The following UBASH3B variants were observed in gnomAD, a reference collection of about 807,000 sequenced individuals.
The protein encoded by UBASH3B is ubiquitin associated and SH3 domain containing B, also known as ubiquitin-associated and SH3 domain-containing protein B.
UBASH3B carries 37 observed loss-of-function variants against 83.4 expected under a neutral mutation model. That is an observed-to-expected ratio of 0.44 (90% confidence interval 0.34 to 0.58). The LOEUF is 0.58. Among genes scored for constraint, UBASH3B ranks in the 20% least tolerant of loss-of-function variants. The pLI is 0.01. For synonymous variants in UBASH3B, 304 were observed against 318.3 expected (o/e 0.96, Z 0.48); for missense variants, 657 against 827.2 (o/e 0.79, Z 2.52).
chr11:122,723,437 T>C (rs1489838965), intron 1 of UBASH3B, among the ~76,000 whole-genome samples: 1 of 152,232 alleles, frequency 6.6e-6, no homozygotes, highest in Non-Finnish European at 1.5e-5. Context: ...TGGAGACGCA[T>C]TCTCCCATCT....
intron 3 of UBASH3B, among the ~76,000 whole-genome samples, chr11:122,777,875 A>C (rs754886296): frequency 2.0e-5 from 3 of 152,034 alleles, no homozygotes; most frequent in African/African-American, 7.2e-5. Flanking sequence ...GATTACAGGC[A>C]TATGCCACCA....
At chr11:122,703,426 C>CAA (rs35573028) in intron 1 of UBASH3B, among the ~76,000 whole-genome samples, 17 of 139,530 alleles carry the variant, frequency 1.2e-4, no homozygotes, top group Admixed American at 1.5e-4. Context: ...GCCTCCGTCT[C>CAA]AAAAAAAAAA....
intron 1 of UBASH3B, among the ~76,000 whole-genome samples, chr11:122,700,733 G>A (rs1864031583): frequency 6.6e-6 from 1 of 152,134 alleles, no homozygotes; most frequent in African/African-American, 2.4e-5. Context: ...CTGGCCTCAG[G>A]TGATCCACCC....
chr11:122,663,544 G>A (rs534036744), intron 1 of UBASH3B, among the ~76,000 whole-genome samples: 2 of 152,294 alleles, frequency 1.3e-5, no homozygotes, highest in Non-Finnish European at 2.9e-5. Flanking sequence ...CAGAGCTAAA[G>A]GCGTTGCTTT....
intron 5 of UBASH3B, among the ~76,000 whole-genome samples, chr11:122,786,819 A>G (rs375281292): frequency 1.3e-5 from 2 of 152,346 alleles, no homozygotes; most frequent in East Asian, 3.9e-4. Flanking sequence ...CATGGGTCCC[A>G]GTTGTAATTT....
At chr11:122,723,859 A>G (rs1374695357) in intron 1 of UBASH3B, among the ~76,000 whole-genome samples, 3 of 152,190 alleles carry the variant, frequency 2.0e-5, no homozygotes, top group African/African-American at 7.2e-5. Flanking sequence ...GCTATGGGAA[A>G]CTTTGAGTGG....
rs574303855 is a variant in UBASH3B, at chr11:122,696,813, C to T, written c.161+40603C>T. On this transcript the variant is annotated intron_variant, in intron 1 of 13. Coordinates refer to ENST00000284273, the MANE Select transcript of UBASH3B (RefSeq NM_032873.5). The stretch of plus-strand genomic sequence containing the variant: ...AGAGCACCCCAGTTCTAGGGCAGGC[C>T]GGAGTCTGTTGACAGACATTTCTCC... Among the ~76,000 whole-genome samples, 4 of 152,246 alleles carry T rather than the reference C, an allele frequency of 2.6e-5. No homozygotes were observed. The South Asian group carries it at 6.2e-4, about 24-fold the overall frequency.
chr11:122,761,124 C>T (rs572114880), intron 1 of UBASH3B, among the ~76,000 whole-genome samples: 4 of 152,168 alleles, frequency 2.6e-5, no homozygotes, highest in East Asian at 3.9e-4. Flanking sequence ...TTGGCAGGGC[C>T]GAGGTGGCAG....
chr11:122,715,401 G>A (rs946565651), intron 1 of UBASH3B, among the ~76,000 whole-genome samples: 35 of 152,330 alleles, frequency 2.3e-4, no homozygotes, highest in Middle Eastern at 3.4e-3. Context: ...CAGTTGTAGC[G>A]CTGCTGTCAG....
At chr11:122,796,584 GGCTC>G (rs1213128346) in intron 8 of UBASH3B, among the ~76,000 whole-genome samples, 1 of 152,052 alleles carries the variant, frequency 6.6e-6, no homozygotes, top group Non-Finnish European at 1.5e-5. Context: ...AAATCTCCCT[GGCTC>G]GCTCGGTTCC....
chr11:122,698,759 A>G (rs955815901), intron 1 of UBASH3B, among the ~76,000 whole-genome samples: 1 of 152,066 alleles, frequency 6.6e-6, no homozygotes, highest in Admixed American at 6.6e-5. Context: ...GCCTCTGGAA[A>G]TCTATTTGCT....
At chr11:122,725,716 C>G (rs755859357) in intron 1 of UBASH3B, among the ~76,000 whole-genome samples, 3 of 152,006 alleles carry the variant, frequency 2.0e-5, no homozygotes, top group Non-Finnish European at 1.5e-5. Flanking sequence ...TTTTTTGAGA[C>G]AGAGTCTCAC....
chr11:122,689,362 T>A (rs1863854542), intron 1 of UBASH3B, among the ~76,000 whole-genome samples: 1 of 152,190 alleles, frequency 6.6e-6, no homozygotes, highest in Non-Finnish European at 1.5e-5. Context: ...TTTAATCAGT[T>A]CCCTATTTTT....
chr11:122,656,230 G>C lies in UBASH3B; in HGVS notation c.161+20G>C, dbSNP rs1490609281. 1.4e-6 allele frequency: 2 copies of C among 1,416,168 alleles called. No homozygotes were observed. The highest frequency in any genetic ancestry group is 9.3e-7 in the Non-Finnish European group (1 of 1,076,760). 87.7% of individuals were successfully genotyped at this position (1,416,168 alleles called of 1,614,324 possible). On this transcript the variant is annotated intron_variant, in intron 1 of 13. Transcript: ENST00000284273. ...CCGCGCGTAAGTGGCCGGGCTCGCA[G>C]CCCTCGGCGACCCCTCCCGCGCGCG...
intron 1 of UBASH3B, among the ~76,000 whole-genome samples, chr11:122,725,195 C>G (rs1055240766): frequency 2.4e-4 from 37 of 151,844 alleles, no homozygotes; most frequent in African/African-American, 8.9e-4. Flanking sequence ...GTCTGGAATT[C>G]CTGACCTCAG....
At chr11:122,677,359 C>T (rs1319186232) in intron 1 of UBASH3B, among the ~76,000 whole-genome samples, 1 of 152,150 alleles carries the variant, frequency 6.6e-6, no homozygotes, top group Non-Finnish European at 1.5e-5. Context: ...AATATTCTCT[C>T]CTTTGAGAAA....
chr11:122,694,855 C>A (rs1225069871), intron 1 of UBASH3B, among the ~76,000 whole-genome samples: 1 of 151,738 alleles, frequency 6.6e-6, no homozygotes, highest in Non-Finnish European at 1.5e-5. Flanking sequence ...GCATAGAACA[C>A]TTAGCCTGTG....
At chr11:122,700,967 C>T (rs889479250) in intron 1 of UBASH3B, among the ~76,000 whole-genome samples, 1 of 152,100 alleles carries the variant, frequency 6.6e-6, no homozygotes, top group Admixed American at 6.5e-5. Context: ...CTGAAGACAC[C>T]CTGCTCCACA....
chr11:122,791,729 T>G (rs1383592765), intron 6 of UBASH3B, among the ~76,000 whole-genome samples: 2 of 152,094 alleles, frequency 1.3e-5, no homozygotes, highest in Non-Finnish European at 2.9e-5. Context: ...GCTGGCATGG[T>G]GGGAGTTGCC....
Sources: allele counts gnomAD v4.1 joint callset (sites outside exome capture counted in the v4.1 genomes callset), GRCh38; gene constraint gnomAD v4.1.1; transcripts MANE v1.5; gene names NCBI Gene and HGNC (gene_info 2026-07-23, HGNC 2026-07-21).